CTNNA1: variants seen among roughly 807,000 people sequenced by gnomAD.
The protein encoded by CTNNA1 is catenin alpha-1.
CTNNA1 carries 37 observed loss-of-function variants against 98.4 expected under a neutral mutation model. That is an observed-to-expected ratio of 0.38 (90% confidence interval 0.29 to 0.49). The LOEUF (loss-of-function observed/expected upper bound fraction) is 0.49, where lower values mean the gene tolerates loss of function less well. Among genes scored for constraint, CTNNA1 ranks in the 20% least tolerant of loss-of-function variants. The probability of loss-of-function intolerance (pLI) is 0.95; values close to 1 mark genes in which losing one functional copy is unlikely to be tolerated. For synonymous variants in CTNNA1, 404 were observed against 413.2 expected, an observed-to-expected ratio of 0.98 and a Z score of 0.27; for missense variants, 761 against 1,147.2, an observed-to-expected ratio of 0.66 and a Z score of 4.86.
chr5:138,810,146 G>T lies in CTNNA1; in HGVS notation c.410G>T (p.Arg137Leu). The change falls in exon 4 of 18, where the codon CGG (arginine) becomes CTG (leucine). Residue 137 changes from arginine (R) to leucine (L), a missense_variant. Physicochemically the swap from Arg to Leu is moderately radical, Grantham distance 102. Coordinates refer to ENST00000302763, the MANE Select transcript of CTNNA1 (RefSeq NM_001903.5). ...AARALLSAVTRLLILADMADV... is the reference protein window; with the variant it reads ...AARALLSAVTLLLILADMADV... ...CGAGCTTTGCTCTCTGCTGTTACCCGGTTGCTGATTTTGGCTGACATGGCA... is the reference window on the plus strand; with the variant it reads ...CGAGCTTTGCTCTCTGCTGTTACCCTGTTGCTGATTTTGGCTGACATGGCA... The T allele has an allele frequency of 6.2e-7, 1 of 1,614,176 alleles. No homozygotes were observed. The highest frequency in any genetic ancestry group is 8.5e-7 in the Non-Finnish European group (1 of 1,180,032).
intron 8 of CTNNA1, 36 bp from the exon 9 acceptor site, chr5:138,887,454 A>G (rs757864756): frequency 3.1e-5 from 47 of 1,513,006 alleles, no homozygotes; most frequent in Middle Eastern, 3.5e-4. Flanking sequence ...CCTTTTTGGT[A>G]GAAATAAAAT....
At position 138,808,686 on chromosome 5, in the gene CTNNA1, A is replaced by C. The variant is rs1403893782; in HGVS notation, c.302-1352A>C. 3.6e-5 allele frequency among the ~76,000 whole-genome samples: 3 copies of C among 83,740 alleles called. No individual in the cohort carries two copies. In the Admixed American group the frequency reaches 4.5e-4, roughly 12 times the overall value. The allele number at this position is 83,740 out of a possible 152,430, so 54.9% of individuals were successfully genotyped here. ...TGTTGAGAAATAGCTAGTCTTCTTG[A>C]AAGTGCCTTAAAAAAAAAAAATTCA... On this transcript the variant is annotated intron_variant, in intron 3 of 17. Coordinates refer to ENST00000302763, the MANE Select transcript of CTNNA1 (RefSeq NM_001903.5).
At chr5:138,772,629 A>G (rs1257219442) in intron 1 of CTNNA1, among the ~76,000 whole-genome samples, 1 of 152,234 alleles carries the variant, frequency 6.6e-6, no homozygotes, top group Non-Finnish European at 1.5e-5. Flanking sequence ...CCAGCAACTT[A>G]CGGGATATAA....
intron 9 of CTNNA1, among the ~76,000 whole-genome samples, chr5:138,902,254 T>C (rs1046084216): frequency 1.6e-4 from 24 of 152,196 alleles, no homozygotes; most frequent in African/African-American, 5.6e-4. Flanking sequence ...TAAAAATCTT[T>C]TGCTTCTTAA....
chr5:138,781,084 T>C (rs1755044119), intron 1 of CTNNA1, among the ~76,000 whole-genome samples: 1 of 152,182 alleles, frequency 6.6e-6, no homozygotes, highest in Non-Finnish European at 1.5e-5. Context: ...TAGCTGTGGG[T>C]GCAGAGGGCA....
intron 9 of CTNNA1, among the ~76,000 whole-genome samples, chr5:138,890,453 A>G (rs1755099918): frequency 6.6e-6 from 1 of 152,212 alleles, no homozygotes; most frequent in Non-Finnish European, 1.5e-5. Flanking sequence ...GACCCACCTC[A>G]GGTTTCAGTA....
At chr5:138,854,944 T>G (rs1048659107) in intron 7 of CTNNA1, among the ~76,000 whole-genome samples, 7 of 152,250 alleles carry the variant, frequency 4.6e-5, no homozygotes, top group Non-Finnish European at 8.8e-5. Context: ...ACTTTCCATT[T>G]CAGAGAGAAA....
At chr5:138,779,860 C>T (rs1055139102) in intron 1 of CTNNA1, among the ~76,000 whole-genome samples, 2 of 151,842 alleles carry the variant, frequency 1.3e-5, no homozygotes, top group African/African-American at 2.4e-5. Context: ...GGATTACGGG[C>T]GTGTACCACC....
chr5:138,763,176 C>T (rs1187546101), intron 1 of CTNNA1, among the ~76,000 whole-genome samples: 1 of 151,890 alleles, frequency 6.6e-6, no homozygotes, highest in Non-Finnish European at 1.5e-5. Flanking sequence ...GTTACATAAT[C>T]CTGTATTTAT....
At chr5:138,779,530 T>G (rs825770) in intron 1 of CTNNA1, among the ~76,000 whole-genome samples, 104,534 of 151,380 alleles carry the variant, frequency 0.69, 36,241 homozygotes, top group East Asian at 0.93. Context: ...AAATGGTCCG[T>G]TTTTTAAAAA....
chr5:138,813,255 C>A (rs757391082), intron 5 of CTNNA1, among the ~76,000 whole-genome samples: 1 of 152,224 alleles, frequency 6.6e-6, no homozygotes, highest in Non-Finnish European at 1.5e-5. Context: ...AGGCTCTTTG[C>A]ATGACATCTG....
In CTNNA1 at chr5:138,761,415, T is replaced by C. The variant is rs562084942; in HGVS notation, c.-3+7905T>C. Among the ~76,000 whole-genome samples the C allele has an allele frequency of 5.3e-5, 8 of 152,278 alleles. No homozygotes were observed. The South Asian group carries it at 1.7e-3, about 32-fold the overall frequency. ...CACGACCTGTTTAATTTTTGTACTT[T>C]TAGTAGAGACGGGGTTTCACCATTT... On this transcript the variant is annotated intron_variant, in intron 1 of 17. Coordinates refer to ENST00000302763, the MANE Select transcript of CTNNA1 (RefSeq NM_001903.5).
chr5:138,795,153 A>C (rs1276141352), intron 3 of CTNNA1, among the ~76,000 whole-genome samples: 1 of 20,028 alleles, frequency 5.0e-5, no homozygotes, highest in Non-Finnish European at 1.1e-4. Flanking sequence ...GAGACTCTCA[A>C]AAAAAAAAAA....
chr5:138,881,355 C>G (rs1752861182), intron 7 of CTNNA1, among the ~76,000 whole-genome samples: 1 of 152,222 alleles, frequency 6.6e-6, no homozygotes, highest in African/African-American at 2.4e-5. Flanking sequence ...TCAGCTTAGG[C>G]AGAGCCCACC....
intron 4 of CTNNA1, 39 bp downstream of exon 4, chr5:138,810,243 C>A (rs1758540034): frequency 6.3e-7 from 1 of 1,590,234 alleles, no homozygotes; most frequent in South Asian, 1.1e-5. Context: ...TGTTCTATCA[C>A]AGGAAGATTG....
rs781776155 is a variant in CTNNA1 at position 138,873,423 on chromosome 5, C to T, written c.1063-12789C>T. ...GATGAGCTTATTCTTTTTGTATATT[C>T]AGTGGTTGGATCTCTATAAGTTGTA... On this transcript the variant is annotated intron_variant, in intron 7 of 17. Coordinates refer to ENST00000302763, the MANE Select transcript of CTNNA1 (RefSeq NM_001903.5). The surrounding 1 kb of genome is among the most constrained non-coding windows in gnomAD (Gnocchi z 6.1). The T allele has an allele frequency of 1.2e-6, 2 of 1,613,986 alleles. No homozygotes were observed. Among genetic ancestry groups the T allele is most frequent in the African/African-American group, 1.3e-5 (1 of 75,050 alleles).
Position 138,908,620 on chromosome 5 carries a change from A to T in CTNNA1, c.1389+4179A>T, listed in dbSNP as rs181569337. Among the ~76,000 whole-genome samples the T allele has an allele frequency of 1.7e-4, 25 of 151,322 alleles. No individual in the cohort carries two copies. The East Asian group carries it at 4.7e-3, about 28-fold the overall frequency. On this transcript the variant is annotated intron_variant, in intron 10 of 17. Transcript: ENST00000302763. The stretch of plus-strand genomic sequence containing the variant: ...TTCCAGGCTGCAGTGAGCTGTGATT[A>T]TACCACTGCACTCCAGCCTGGGCGA...
At chr5:138,761,000 A>C (rs907823069) in intron 1 of CTNNA1, among the ~76,000 whole-genome samples, 5 of 152,178 alleles carry the variant, frequency 3.3e-5, no homozygotes, top group Middle Eastern at 3.2e-3. Context: ...AGGGTTTGGT[A>C]CTGAATTTCT....
Position 138,873,320 on chromosome 5 carries a change from G to C in CTNNA1, c.1063-12892G>C. ...CCGCTGAGTGAAGATGGCATTGTCT[G>C]GTTCAGGAAAGTGTTCCTCGGTAGT... is the stretch of plus-strand genomic sequence containing the variant. On this transcript the variant is annotated intron_variant, in intron 7 of 17. Coordinates refer to ENST00000302763, the MANE Select transcript of CTNNA1 (RefSeq NM_001903.5). This position sits in a 1 kb window ranked among gnomAD's most constrained non-coding sequence, Gnocchi z 6.1. 1 of 1,614,040 alleles carries C rather than the reference G, an allele frequency of 6.2e-7. No homozygotes were observed. Among genetic ancestry groups the C allele is most frequent in the Non-Finnish European group, 8.5e-7 (1 of 1,179,888 alleles).
Sources: gnomAD v4.1 joint callset for allele counts (sites outside exome capture counted in the v4.1 genomes callset) on GRCh38, gnomAD v4.1.1 for gene constraint, Gnocchi (gnomAD v3.1) non-coding constraint, MANE v1.5 for transcripts, NCBI Gene and HGNC (gene_info 2026-07-23, HGNC 2026-07-21) for gene names.